The following GNAL variants were observed in gnomAD, a reference collection of about 807,000 sequenced individuals.
The protein encoded by GNAL is guanine nucleotide-binding protein G(olf) subunit alpha.
GNAL carries 18 observed loss-of-function variants against 55.1 expected under a neutral mutation model. The observed-to-expected ratio is 0.33, with a 90% CI of 0.23 to 0.48. The LOEUF is 0.48. Ranked by LOEUF, GNAL falls within the 20% of genes least tolerant of loss-of-function variation. GNAL has a pLI of 0.99. For missense variants in GNAL, 412 were observed against 614.1 expected (o/e 0.67, Z 3.48); for synonymous variants, 253 against 237.0 (o/e 1.07, Z -0.62).
intron 4 of GNAL, among the ~76,000 whole-genome samples, chr18:11,812,293 G>GA (rs1043417478): frequency 5.1e-4 from 78 of 152,254 alleles, no homozygotes; most frequent in African/African-American, 1.7e-3. Flanking sequence ...AAGTATCTTT[G>GA]AAAAAATGAG....
At chr18:11,835,882 C>G (rs543521324) in intron 5 of GNAL, among the ~76,000 whole-genome samples, 3 of 152,204 alleles carry the variant, frequency 2.0e-5, no homozygotes, top group Non-Finnish European at 4.4e-5. Context: ...AGGTGGCTCA[C>G]ATCTGTAATC....
At chr18:11,831,639 C>T (rs2035385743) in intron 5 of GNAL, among the ~76,000 whole-genome samples, 1 of 152,236 alleles carries the variant, frequency 6.6e-6, no homozygotes, top group African/African-American at 2.4e-5. Flanking sequence ...TGCCTTCAGG[C>T]GTTTCAACTT....
At chr18:11,769,848 CAT>C (rs1301219736) in intron 4 of GNAL, among the ~76,000 whole-genome samples, 1 of 152,164 alleles carries the variant, frequency 6.6e-6, no homozygotes. Context: ...TACACACACA[CAT>C]GCACACACAC....
intron 1 of GNAL, among the ~76,000 whole-genome samples, chr18:11,749,603 C>T (rs939350123): frequency 3.3e-5 from 5 of 152,148 alleles, no homozygotes; most frequent in Admixed American, 1.3e-4. Context: ...CAGCCTCCGC[C>T]CTCAAGGAGT....
Position 11,884,465 on chromosome 18 carries a change from C to T in GNAL, c.*3330C>T, listed in dbSNP as rs944229129. ...GCTCTTCATCTTGTCTTACGCTTTC[C>T]GAGCAAGTTCAAACCAGAAAGAAAA... On this transcript the variant is annotated 3_prime_UTR_variant, in exon 12 of 12. Transcript: ENST00000334049. 1.7e-5 allele frequency: 27 copies of T among 1,613,828 alleles called. No individual in the cohort carries two copies. The highest frequency in any genetic ancestry group is 1.0e-4 in the Admixed American group (6 of 59,974).
intron 5 of GNAL, among the ~76,000 whole-genome samples, chr18:11,828,733 A>T (rs1347728382): frequency 6.6e-6 from 1 of 152,190 alleles, no homozygotes; most frequent in East Asian, 1.9e-4. Context: ...TTAAAATAGA[A>T]TATGTGAAAA....
At chr18:11,879,764 C>T (rs1354877907) in intron 11 of GNAL, among the ~76,000 whole-genome samples, 1 of 152,196 alleles carries the variant, frequency 6.6e-6, no homozygotes, top group African/African-American at 2.4e-5. Flanking sequence ...AGGTGGTCCC[C>T]ACAAACCATG....
At chr18:11,879,079 CATGT>C (rs1242898059) in intron 11 of GNAL, among the ~76,000 whole-genome samples, 1 of 132,822 alleles carries the variant, frequency 7.5e-6, no homozygotes, top group Non-Finnish European at 1.6e-5. Context: ...ACGTTGTGCA[CATGT>C]ATCCTAGAAC....
chr18:11,721,834 C>G (rs1163833248), intron 1 of GNAL, among the ~76,000 whole-genome samples: 1 of 151,330 alleles, frequency 6.6e-6, no homozygotes, highest in Non-Finnish European at 1.5e-5. Context: ...TGTGGCGAGC[C>G]AAGATCATGC....
At chr18:11,733,378 G>C (rs1349410234) in intron 1 of GNAL, among the ~76,000 whole-genome samples, 7 of 152,238 alleles carry the variant, frequency 4.6e-5, no homozygotes, top group African/African-American at 1.7e-4. Flanking sequence ...GAGCAGAAGC[G>C]AAACTGGGGA....
intron 11 of GNAL, among the ~76,000 whole-genome samples, chr18:11,877,490 C>A (rs1283934999): frequency 6.6e-6 from 1 of 151,974 alleles, no homozygotes; most frequent in Non-Finnish European, 1.5e-5. Flanking sequence ...TAGTCTTTAC[C>A]CAAATTGACC....
rs1253864355 is a variant in GNAL at position 11,883,404 on chromosome 18, A to C, written c.*2269A>C. 1 of 153,312 alleles carries C rather than the reference A, an allele frequency of 6.5e-6. No homozygotes were observed. Among genetic ancestry groups the C allele is most frequent in the Non-Finnish European group, 1.5e-5 (1 of 68,038 alleles). The allele number at this position is 153,312 out of a possible 1,614,324, so 9.5% of individuals were successfully genotyped here. On this transcript the variant is annotated 3_prime_UTR_variant, in exon 12 of 12. Coordinates refer to ENST00000334049, the MANE Select transcript of GNAL (RefSeq NM_182978.4). Reference sequence around the variant, plus strand: ...TACTCAACAATTACCCTCTAACTAAACATCCTGTTTAAGAGTTTAATTCAA... The same window carrying C: ...TACTCAACAATTACCCTCTAACTAACCATCCTGTTTAAGAGTTTAATTCAA...
At chr18:11,843,194 G>A (rs976090667) in intron 5 of GNAL, among the ~76,000 whole-genome samples, 2 of 150,388 alleles carry the variant, frequency 1.3e-5, no homozygotes, top group Non-Finnish European at 3.0e-5. Flanking sequence ...AGACCCTGTC[G>A]CTAAAAAAAA....
intron 4 of GNAL, among the ~76,000 whole-genome samples, chr18:11,764,906 CTTTATT>C (rs2033358662): frequency 2.0e-5 from 3 of 152,312 alleles, no homozygotes; most frequent in South Asian, 2.1e-4. Context: ...ATACTGAAGA[CTTTATT>C]TTTGTTAATA....
At chr18:11,860,451 G>A (rs1168301586) in intron 5 of GNAL, among the ~76,000 whole-genome samples, 1 of 152,140 alleles carries the variant, frequency 6.6e-6, no homozygotes, top group Non-Finnish European at 1.5e-5. Context: ...CTGTAGGGAA[G>A]GAAAAAGAAC....
chr18:11,797,645 G>A (rs763928021), intron 4 of GNAL, among the ~76,000 whole-genome samples: 20 of 152,068 alleles, frequency 1.3e-4, no homozygotes, highest in African/African-American at 4.8e-4. Flanking sequence ...TTGGGTGGTG[G>A]GGGGGCTGGT....
At position 11,885,487 on chromosome 18, in the gene GNAL, G is replaced by T. The variant is rs2037068983; in HGVS notation, c.*4352G>T. ...CTCGCTTCTCACATTAACTGCCCAG[G>T]AATGTCATGCTGATTGGTTCCCGGA... On this transcript the variant is annotated 3_prime_UTR_variant, in exon 12 of 12. Transcript: ENST00000334049. 1.5e-6 allele frequency: 1 copy of T among 667,578 alleles called. No homozygotes were observed. The highest frequency in any genetic ancestry group is 2.5e-6 in the Non-Finnish European group (1 of 395,978). The allele number at this position is 667,578 out of a possible 1,614,324, so 41.4% of individuals were successfully genotyped here.
At chr18:11,775,653 C>T (rs887118498) in intron 4 of GNAL, among the ~76,000 whole-genome samples, 2 of 152,220 alleles carry the variant, frequency 1.3e-5, no homozygotes, top group Admixed American at 6.5e-5. Context: ...GGAAGATGCA[C>T]ATCAGAACTC....
chr18:11,777,901 TCA>T (rs1271877234), intron 4 of GNAL, among the ~76,000 whole-genome samples: 2 of 152,068 alleles, frequency 1.3e-5, no homozygotes, highest in Admixed American at 6.6e-5. Context: ...GAGGTGAAGG[TCA>T]CACAACTAGT....
Sources: allele counts gnomAD v4.1 joint callset (sites outside exome capture counted in the v4.1 genomes callset), GRCh38; gene constraint gnomAD v4.1.1; transcripts MANE v1.5; gene names NCBI Gene and HGNC (gene_info 2026-07-23, HGNC 2026-07-21).